The following CDC14A variants were observed in gnomAD, a reference collection of about 807,000 sequenced individuals.
The protein encoded by CDC14A is dual specificity protein phosphatase CDC14A.
A neutral mutation model predicts 74.4 loss-of-function variants in CDC14A; 53 were observed. That is an observed-to-expected ratio of 0.71 (90% CI 0.57 to 0.89). The LOEUF is 0.89. Among genes scored for constraint, CDC14A ranks in the 40% least tolerant of loss-of-function variants. CDC14A has a pLI of 0.00. For synonymous variants in CDC14A, 247 were observed against 258.4 expected (o/e 0.96, Z 0.43); for missense variants, 646 against 713.7 (o/e 0.91, Z 1.08).
At chr1:100,442,624 A>G (rs1348731910) in intron 6 of CDC14A, among the ~76,000 whole-genome samples, 1 of 151,894 alleles carries the variant, frequency 6.6e-6, no homozygotes, top group Non-Finnish European at 1.5e-5. Context: ...ACAGGTTCTA[A>G]CTATAAATTT....
At chr1:100,442,539 A>G (rs1002812530) in intron 6 of CDC14A, among the ~76,000 whole-genome samples, 1 of 151,562 alleles carries the variant, frequency 6.6e-6, no homozygotes, top group African/African-American at 2.4e-5. Context: ...ACTCATAAGA[A>G]TAATTGATTT....
At chr1:100,392,529 A>G (rs1230071399) in intron 4 of CDC14A, among the ~76,000 whole-genome samples, 1 of 151,864 alleles carries the variant, frequency 6.6e-6, no homozygotes, top group East Asian at 1.9e-4. Flanking sequence ...AGTGTTCAGG[A>G]CAGTGTTCAG....
Position 100,439,954 on chromosome 1 carries a change from A to G in CDC14A, c.412A>G (p.Thr138Ala), listed in dbSNP as rs1406794970. ...TAGGGATGCTTCCTTTGGAAATTGC[A>G]CTTACAATCTCACCATTCTCGACTG... ...PFRDASFGNCTYNLTILDCLQ... is the reference protein window; with the variant it reads ...PFRDASFGNCAYNLTILDCLQ... The change falls in exon 6 of 16, where the codon ACT becomes GCT. Residue 138 changes from threonine (T) to alanine (A), a missense_variant. Physicochemically the swap from Thr to Ala is moderately conservative, Grantham distance 58. Coordinates refer to ENST00000336454, the MANE Select transcript of CDC14A (RefSeq NM_003672.4). The G allele has an allele frequency of 6.2e-7, 1 of 1,613,282 alleles. No individual in the cohort carries two copies. Among genetic ancestry groups the G allele is most frequent in the Non-Finnish European group, 8.5e-7 (1 of 1,179,300 alleles).
chr1:100,436,149 A>G (rs191769943), intron 5 of CDC14A, among the ~76,000 whole-genome samples: 12 of 152,288 alleles, frequency 7.9e-5, no homozygotes, highest in Admixed American at 7.2e-4. Context: ...AAAATTCCTT[A>G]GAAGGGATCT....
intron 7 of CDC14A, among the ~76,000 whole-genome samples, chr1:100,449,846 A>G (rs1001931047): frequency 6.6e-6 from 1 of 152,200 alleles, no homozygotes. Context: ...ACATTTCAAG[A>G]TATTTTATAT....
In CDC14A at chr1:100,429,539, C is replaced by T. The variant is rs1236747729; in HGVS notation, c.389+5238C>T. ...ATACGTGGGGAGCTTTAAAAAACTA[C>T]TGATCCCTAGATTCTGTGCCCAGAA... On this transcript the variant is annotated intron_variant, in intron 5 of 15. Transcript: ENST00000336454. Among the ~76,000 whole-genome samples, 4 of 151,588 alleles carry T rather than the reference C, an allele frequency of 2.6e-5. No individual in the cohort carries two copies. In the East Asian group the frequency reaches 7.7e-4, roughly 29 times the overall value.
intron 2 of CDC14A, among the ~76,000 whole-genome samples, chr1:100,373,127 C>G (rs1654714124): frequency 6.6e-6 from 1 of 152,180 alleles, no homozygotes; most frequent in South Asian, 2.1e-4. Flanking sequence ...TAAGCTTAAT[C>G]ATTTCTACCT....
intron 4 of CDC14A, among the ~76,000 whole-genome samples, chr1:100,410,813 C>T (rs1473223303): frequency 1.3e-5 from 2 of 152,100 alleles, no homozygotes; most frequent in East Asian, 3.8e-4. Context: ...TGGTGATCAC[C>T]GAATTCTCGC....
Position 100,420,615 on chromosome 1 carries a change from C to T in CDC14A, c.310-3607C>T, listed in dbSNP as rs115655804. On this transcript the variant is annotated intron_variant, in intron 4 of 15. Coordinates refer to ENST00000336454, the MANE Select transcript of CDC14A (RefSeq NM_003672.4). ...ATTCATTTATGTATAGACTCAGTGG[C>T]GGGTTTTCCCATTTATAGCAATGAT... 1.2e-3 allele frequency among the ~76,000 whole-genome samples: 187 copies of T among 152,046 alleles called. 2 individuals are homozygous for T. Among genetic ancestry groups the T allele is most frequent in the Middle Eastern group, 6.8e-3 (2 of 294 alleles).
chr1:100,362,144 G>C (rs2100899869), intron 2 of CDC14A, among the ~76,000 whole-genome samples: 1 of 152,232 alleles, frequency 6.6e-6, no homozygotes, highest in Non-Finnish European at 1.5e-5. Context: ...CATTATAATG[G>C]AGTCTTTGTC....
At chr1:100,392,118 C>G (rs1188707732) in intron 4 of CDC14A, among the ~76,000 whole-genome samples, 3 of 152,104 alleles carry the variant, frequency 2.0e-5, no homozygotes, top group Non-Finnish European at 4.4e-5. Flanking sequence ...CCTTTCAGTT[C>G]TTAGGATACT....
intron 2 of CDC14A, among the ~76,000 whole-genome samples, chr1:100,354,479 CTT>C (rs1394658782): frequency 3.9e-5 from 6 of 152,044 alleles, no homozygotes; most frequent in African/African-American, 1.4e-4. Context: ...TCTTTGATTA[CTT>C]TGCTTCTGTG....
At chr1:100,412,929 C>T (rs766251590) in intron 4 of CDC14A, among the ~76,000 whole-genome samples, 5 of 150,078 alleles carry the variant, frequency 3.3e-5, no homozygotes, top group Admixed American at 2.0e-4. Context: ...CATTTAAGAA[C>T]GATTAATTCT....
At chr1:100,504,969 T>C in intron 15 of CDC14A, 3 of 1,497,900 alleles carry the variant, frequency 2.0e-6, no homozygotes, top group Non-Finnish European at 2.7e-6. Flanking sequence ...ATTAATACTT[T>C]ATTTTATCAT....
At chr1:100,417,627 A>G (rs1354384842) in intron 4 of CDC14A, among the ~76,000 whole-genome samples, 1 of 152,208 alleles carries the variant, frequency 6.6e-6, no homozygotes, top group Non-Finnish European at 1.5e-5. Context: ...TTTTAAAATC[A>G]GTCTATTGCT....
chr1:100,422,830 C>T (rs570036538), intron 4 of CDC14A, among the ~76,000 whole-genome samples: 66 of 152,138 alleles, frequency 4.3e-4, no homozygotes, highest in African/African-American at 1.5e-3. Context: ...AGAATGGACT[C>T]GTTTTCTAGT....
chr1:100,495,913 A>T (rs2101425230), intron 12 of CDC14A, 89 bp from the exon 13 acceptor site: 2 of 1,046,574 alleles, frequency 1.9e-6, no homozygotes, highest in East Asian at 2.4e-5. Context: ...TAATATTTTT[A>T]CTGGTTTGAT....
chr1:100,353,881 T>C lies in CDC14A; in HGVS notation c.140+29T>C, dbSNP rs559383181. The C allele has an allele frequency of 5.2e-6, 7 of 1,341,806 alleles. No individual in the cohort carries two copies. The Admixed American group carries it at 9.2e-5, about 18-fold the overall frequency. 83.1% of individuals were successfully genotyped at this position (1,341,806 alleles called of 1,614,324 possible). On this transcript the variant is annotated intron_variant, in intron 2 of 15. Coordinates refer to ENST00000336454, the MANE Select transcript of CDC14A (RefSeq NM_003672.4). ...AGTTTATGTTTTGTTTTTTTTTCTC[T>C]TGGCCATTCAGCTTGTTCTTTGACG...
intron 2 of CDC14A, among the ~76,000 whole-genome samples, 197 bp from the exon 3 acceptor site, chr1:100,377,349 C>T (rs528413582): frequency 6.6e-6 from 1 of 152,204 alleles, no homozygotes; most frequent in South Asian, 2.1e-4. Context: ...CACTAGTTCC[C>T]TATTAAGAGA....
Sources: allele counts gnomAD v4.1 joint callset (sites outside exome capture counted in the v4.1 genomes callset), GRCh38; gene constraint gnomAD v4.1.1; transcripts MANE v1.5; gene names NCBI Gene and HGNC (gene_info 2026-07-23, HGNC 2026-07-21).